CTIF: variants seen among roughly 807,000 people sequenced by gnomAD.
CTIF encodes CBP80/20-dependent translation initiation factor.
A neutral mutation model predicts 66.0 loss-of-function variants in CTIF; 21 were observed. The observed-to-expected ratio is 0.32, with a 90% CI of 0.23 to 0.46. CTIF has a LOEUF of 0.46. Ranked by LOEUF, CTIF falls within the 20% of genes least tolerant of loss-of-function variation. The pLI is 1.00. For missense variants in CTIF, 739 were observed against 812.7 expected, an observed-to-expected ratio of 0.91 and a Z score of 1.10; for synonymous variants, 345 against 326.4, an observed-to-expected ratio of 1.06 and a Z score of -0.62.
At chr18:48,763,523 C>T (rs1909216211) in intron 9 of CTIF, among the ~76,000 whole-genome samples, 1 of 152,232 alleles carries the variant, frequency 6.6e-6, no homozygotes, top group Non-Finnish European at 1.5e-5. Context: ...CTGTTTGGCT[C>T]CGTTTAACTC....
At chr18:48,639,980 G>C (rs1458548114) in intron 3 of CTIF, among the ~76,000 whole-genome samples, 19 of 152,200 alleles carry the variant, frequency 1.2e-4, no homozygotes, top group Admixed American at 1.2e-3. Flanking sequence ...GGCACCCCAA[G>C]GAAAGCCCCA....
At chr18:48,621,778 A>C (rs2090498137) in intron 2 of CTIF, 1 of 233,966 alleles carries the variant, frequency 4.3e-6, no homozygotes, top group Non-Finnish European at 8.6e-6. Context: ...AGAATAGTAC[A>C]ACTGTTTTGA....
chr18:48,681,803 G>A (rs956743455), intron 6 of CTIF, among the ~76,000 whole-genome samples: 20 of 151,532 alleles, frequency 1.3e-4, no homozygotes, highest in African/African-American at 4.4e-4. Context: ...TTTGTTTTTT[G>A]AGATGGTGTT....
chr18:48,604,819 T>G (rs1321155436), intron 1 of CTIF, among the ~76,000 whole-genome samples: 3 of 152,178 alleles, frequency 2.0e-5, no homozygotes, highest in Non-Finnish European at 2.9e-5. Flanking sequence ...CAAACACCAT[T>G]CTACTTTTTG....
intron 6 of CTIF, among the ~76,000 whole-genome samples, chr18:48,700,482 C>T (rs936887871): frequency 3.3e-5 from 5 of 152,216 alleles, no homozygotes; most frequent in Admixed American, 2.0e-4. Flanking sequence ...GAGGCTTCCC[C>T]CCGGCACAGC....
intron 6 of CTIF, among the ~76,000 whole-genome samples, chr18:48,694,382 A>C (rs1598884648): frequency 6.6e-6 from 1 of 152,234 alleles, no homozygotes; most frequent in South Asian, 2.1e-4. Flanking sequence ...TCAGAGCCAC[A>C]GGAACCCTGG....
intron 7 of CTIF, among the ~76,000 whole-genome samples, chr18:48,721,782 T>G (rs1294129171): frequency 6.6e-6 from 1 of 150,914 alleles, no homozygotes; most frequent in Admixed American, 6.6e-5. Context: ...CTCACTCCTG[T>G]GCAGGAAGAA....
At chr18:48,808,286 T>G (rs184274408) in intron 9 of CTIF, among the ~76,000 whole-genome samples, 1 of 152,370 alleles carries the variant, frequency 6.6e-6, no homozygotes, top group African/African-American at 2.4e-5. Context: ...TACCTCTTAA[T>G]GCCCTTTCCC....
chr18:48,556,319 G>A (rs117455825), intron 1 of CTIF, among the ~76,000 whole-genome samples: 2,130 of 152,222 alleles, frequency 0.014, 71 homozygotes, highest in East Asian at 0.11. Flanking sequence ...TCCAGGCTTG[G>A]CTCTGCATAA....
intron 9 of CTIF, among the ~76,000 whole-genome samples, chr18:48,767,527 C>T (rs184696752): frequency 2.0e-5 from 3 of 152,208 alleles, no homozygotes; most frequent in Non-Finnish European, 2.9e-5. Context: ...TTATTAGAGC[C>T]GGCATCAGTG....
At chr18:48,652,258 G>T (rs935386285) in intron 3 of CTIF, among the ~76,000 whole-genome samples, 3 of 152,142 alleles carry the variant, frequency 2.0e-5, no homozygotes, top group African/African-American at 7.2e-5. Flanking sequence ...AAGAAGAAAA[G>T]AGAGAAGAAT....
At chr18:48,589,171 G>A (rs2089836906) in intron 1 of CTIF, among the ~76,000 whole-genome samples, 1 of 152,144 alleles carries the variant, frequency 6.6e-6, no homozygotes, top group African/African-American at 2.4e-5. Flanking sequence ...ATCACAACCT[G>A]GGGGGCTTAA....
intron 7 of CTIF, among the ~76,000 whole-genome samples, chr18:48,746,228 G>A (rs966207191): frequency 2.6e-5 from 4 of 152,134 alleles, no homozygotes; most frequent in Non-Finnish European, 5.9e-5. Context: ...CCTGTGGTCA[G>A]CACTTTTAGC....
intron 10 of CTIF, among the ~76,000 whole-genome samples, chr18:48,829,811 CT>C (rs2068653553): frequency 6.6e-6 from 1 of 152,242 alleles, no homozygotes; most frequent in African/African-American, 2.4e-5. Flanking sequence ...CCGACTCCAG[CT>C]CTCAGGACCT....
chr18:48,619,426 C>T (rs190991462), intron 1 of CTIF, 112 bp from the exon 2 acceptor site: 39 of 675,974 alleles, frequency 5.8e-5, no homozygotes, highest in African/African-American at 2.8e-4. Flanking sequence ...AAGAACAGAA[C>T]GCCATGATGG....
At chr18:48,663,634 G>A in intron 3 of CTIF, 118 bp from the exon 4 acceptor site, 1 of 878,576 alleles carries the variant, frequency 1.1e-6, no homozygotes. Flanking sequence ...GGGTGCACCA[G>A]CCACCATACT....
chr18:48,857,478 C>G (rs1454044306), intron 10 of CTIF, 110 bp from the exon 11 acceptor site: 1 of 866,816 alleles, frequency 1.2e-6, no homozygotes, highest in African/African-American at 1.7e-5. Context: ...ATGTTTGTTA[C>G]AGGCCGCATC....
At chr18:48,838,092 A>G (rs1158939638) in intron 10 of CTIF, among the ~76,000 whole-genome samples, 2 of 152,002 alleles carry the variant, frequency 1.3e-5, no homozygotes, top group East Asian at 3.8e-4. Flanking sequence ...ACTTTCCCCC[A>G]AACTTGCTCC....
intron 7 of CTIF, among the ~76,000 whole-genome samples, chr18:48,747,758 A>G (rs558860397): frequency 6.6e-6 from 1 of 151,796 alleles, no homozygotes; most frequent in African/African-American, 2.4e-5. Context: ...AATTAAAAAA[A>G]AAAAAAAAAA....
Sources: allele counts gnomAD v4.1 joint callset (sites outside exome capture counted in the v4.1 genomes callset), GRCh38; gene constraint gnomAD v4.1.1; transcripts MANE v1.5; gene names NCBI Gene and HGNC (gene_info 2026-07-23, HGNC 2026-07-21).